The following COL21A1 variants were observed in gnomAD, a reference collection of about 807,000 sequenced individuals.
COL21A1 encodes collagen type XXI alpha 1 chain, also known as collagen alpha-1(XXI) chain.
A neutral mutation model predicts 137.9 loss-of-function variants in COL21A1; 149 were observed. The ratio of observed to expected loss-of-function variants is 1.08; its 90% CI spans 0.95 to 1.24. The LOEUF (loss-of-function observed/expected upper bound fraction) is 1.24, where lower values mean the gene tolerates loss of function less well. COL21A1 is among the 50% of genes most tolerant of loss of function. The pLI, the probability that COL21A1 is intolerant of heterozygous loss-of-function variation, is 0.00. For missense variants in COL21A1, 1,167 were observed against 1,158.4 expected, an observed-to-expected ratio of 1.01 and a Z score of -0.11; for synonymous variants, 456 against 391.5, an observed-to-expected ratio of 1.16 and a Z score of -1.95.
At chr6:56,246,439 C>G (rs550225079) in intron 1 of COL21A1, among the ~76,000 whole-genome samples, 1 of 150,366 alleles carries the variant, frequency 6.7e-6, no homozygotes, top group African/African-American at 2.5e-5. Flanking sequence ...TAAGTCTCCC[C>G]TTTATAAGAT....
chr6:56,121,264 T>C (rs1490743449), intron 16 of COL21A1, among the ~76,000 whole-genome samples: 1 of 151,878 alleles, frequency 6.6e-6, no homozygotes, highest in Admixed American at 6.6e-5. Context: ...ATGCATATTC[T>C]TAAGAGCAAG....
intron 16 of COL21A1, among the ~76,000 whole-genome samples, chr6:56,112,687 CT>C (rs779345756): frequency 2.1e-4 from 26 of 124,566 alleles, no homozygotes; most frequent in Admixed American, 4.3e-4. Context: ...TTTCTTTTTT[CT>C]TTTTTTTTTT....
At chr6:56,207,467 C>G (rs1779868483) in intron 1 of COL21A1, among the ~76,000 whole-genome samples, 1 of 152,084 alleles carries the variant, frequency 6.6e-6, no homozygotes, top group South Asian at 2.1e-4. Context: ...CCACTAACAC[C>G]CTCTGAAGTC....
chr6:56,075,763 C>A (rs895660583), intron 18 of COL21A1, among the ~76,000 whole-genome samples: 36 of 151,342 alleles, frequency 2.4e-4, no homozygotes, highest in African/African-American at 8.2e-4. Context: ...ATTTGCCATT[C>A]TTTCAAAGGA....
chr6:56,327,287 A>T (rs908343999), intron 1 of COL21A1, among the ~76,000 whole-genome samples: 4 of 151,928 alleles, frequency 2.6e-5, no homozygotes, highest in Admixed American at 6.6e-5. Flanking sequence ...TTAAAAAATT[A>T]AAAATGTTAA....
intron 1 of COL21A1, among the ~76,000 whole-genome samples, chr6:56,362,903 C>A (rs934604680): frequency 9.2e-5 from 14 of 152,092 alleles, no homozygotes; most frequent in African/African-American, 2.7e-4. Flanking sequence ...AACCCTACCC[C>A]CCACGCCCAC....
At chr6:56,194,019 G>A (rs1778867908) in intron 1 of COL21A1, among the ~76,000 whole-genome samples, 1 of 152,164 alleles carries the variant, frequency 6.6e-6, no homozygotes, top group African/African-American at 2.4e-5. Context: ...TTACAGGCGT[G>A]AGCCACCATG....
chr6:56,072,561 T>C (rs545431674), intron 20 of COL21A1, among the ~76,000 whole-genome samples: 205 of 151,550 alleles, frequency 1.4e-3, no homozygotes, highest in Non-Finnish European at 2.2e-3. Flanking sequence ...AAGAAACGAA[T>C]ATAGAGGTCA....
chr6:56,142,039 A>G, intron 10 of COL21A1, 56 bp from the exon 11 acceptor site: 2 of 1,313,726 alleles, frequency 1.5e-6, no homozygotes. Context: ...TACCAAGAGA[A>G]GTTCTTCGTT....
Position 56,164,416 on chromosome 6 carries a change from T to C in COL21A1, c.1371+7A>G. The C allele has an allele frequency of 6.4e-7, 1 of 1,564,842 alleles. No individual in the cohort carries two copies. The highest frequency in any genetic ancestry group is 1.4e-5 in the African/African-American group (1 of 74,004). ...TTAACAAAAACAGCAAGTTAGGTGT[T>C]ACCCACTTTGGGGCCTTGAAGTCCT... On this transcript the variant is annotated splice_region_variant and intron_variant, in intron 9 of 29. Coordinates refer to ENST00000244728, the MANE Select transcript of COL21A1 (RefSeq NM_030820.4).
intron 1 of COL21A1, among the ~76,000 whole-genome samples, chr6:56,393,461 CA>C (rs144217206): frequency 0.1 from 15,625 of 152,134 alleles, 996 homozygotes; most frequent in Middle Eastern, 0.17. Context: ...AGTAAGACCT[CA>C]AAAGCACAGA....
intron 1 of COL21A1, among the ~76,000 whole-genome samples, chr6:56,313,824 C>T (rs933768269): frequency 1.5e-4 from 23 of 152,088 alleles, no homozygotes; most frequent in Non-Finnish European, 3.2e-4. Context: ...ACAGATGCCC[C>T]AGCCAAATCA....
chr6:56,332,954 A>G (rs1582788727), intron 1 of COL21A1, among the ~76,000 whole-genome samples: 1 of 152,042 alleles, frequency 6.6e-6, no homozygotes, highest in African/African-American at 2.4e-5. Flanking sequence ...TATTTTACCA[A>G]CTTGTCATTT....
chr6:56,309,010 C>T (rs72870218), intron 1 of COL21A1, among the ~76,000 whole-genome samples: 19,340 of 151,394 alleles, frequency 0.13, 1,303 homozygotes, highest in Middle Eastern at 0.2. Flanking sequence ...ATTTGACCTT[C>T]GGCTGTTTGT....
At chr6:56,099,674 G>A (rs1289136149) in intron 17 of COL21A1, among the ~76,000 whole-genome samples, 2 of 149,620 alleles carry the variant, frequency 1.3e-5, no homozygotes, top group African/African-American at 4.9e-5. Flanking sequence ...CCTCATACAC[G>A]CACACCCACA....
chr6:56,246,424 A>C (rs1257466775), intron 1 of COL21A1, among the ~76,000 whole-genome samples: 5 of 151,958 alleles, frequency 3.3e-5, no homozygotes, highest in Non-Finnish European at 7.4e-5. Context: ...TTATTCGATG[A>C]TGCTTAAGTC....
intron 1 of COL21A1, among the ~76,000 whole-genome samples, chr6:56,235,825 CA>C (rs201376616): frequency 3.6e-4 from 53 of 145,812 alleles, no homozygotes; most frequent in African/African-American, 1.1e-3. Context: ...AGACTTTGGA[CA>C]AAAAAAAAAT....
At position 56,084,217 on chromosome 6, in the gene COL21A1, A is replaced by AAAT. The variant is rs373441290; in HGVS notation, c.1813-6645_1813-6644insATT. Among the ~76,000 whole-genome samples, 38 of 149,202 alleles carry AAAT rather than the reference A, an allele frequency of 2.5e-4. 1 individual carries two copies. The East Asian group carries it at 7.4e-3, about 29-fold the overall frequency. On this transcript the variant is annotated intron_variant, in intron 17 of 29. Transcript: ENST00000244728. ...AAATATTGCCTAAGTATGCAGAAAAAATATATATATATAAAAAACATTAAT... is the reference window on the plus strand; with the variant it reads ...AAATATTGCCTAAGTATGCAGAAAAAAATATATATATATATAAAAAACATTAAT...
intron 1 of COL21A1, among the ~76,000 whole-genome samples, chr6:56,204,010 G>A (rs1022005153): frequency 6.6e-6 from 1 of 152,114 alleles, no homozygotes; most frequent in Non-Finnish European, 1.5e-5. Flanking sequence ...ACACCACCAG[G>A]GCCCTGGGTT....
Sources: allele counts gnomAD v4.1 joint callset (sites outside exome capture counted in the v4.1 genomes callset), GRCh38; gene constraint gnomAD v4.1.1; transcripts MANE v1.5; gene names NCBI Gene and HGNC (gene_info 2026-07-23, HGNC 2026-07-21).